Variants in SLC38A9 observed in about 807,000 individuals in gnomAD.
SLC38A9 encodes the protein neutral amino acid transporter 9.
In SLC38A9, 48 loss-of-function variants were observed where a neutral mutation model predicts 62.3. That is an observed-to-expected ratio of 0.77 (90% CI 0.61 to 0.98). The LOEUF is 0.98. Among genes scored for constraint, SLC38A9 ranks in the 50% least tolerant of loss-of-function variants. The probability of loss-of-function intolerance (pLI) is 0.00; values close to 1 mark genes in which losing one functional copy is unlikely to be tolerated. For missense variants in SLC38A9, 541 were observed against 679.8 expected (o/e 0.80, Z 2.27); for synonymous variants, 204 against 227.7 (o/e 0.90, Z 0.94).
At chr5:55,665,975 A>G (rs1217824040) in intron 7 of SLC38A9, among the ~76,000 whole-genome samples, 1 of 152,164 alleles carries the variant, frequency 6.6e-6, no homozygotes, top group Non-Finnish European at 1.5e-5. Flanking sequence ...TATATAAAAT[A>G]TTTTTAGAAG....
intron 13 of SLC38A9, 70 bp downstream of exon 13, chr5:55,635,474 G>T: frequency 8.9e-7 from 1 of 1,123,568 alleles, no homozygotes; most frequent in Non-Finnish European, 1.4e-6. Context: ...TCTTGCCACT[G>T]TATCACCCTA....
intron 3 of SLC38A9, among the ~76,000 whole-genome samples, chr5:55,688,272 T>C (rs187928336): frequency 5.8e-4 from 88 of 152,286 alleles, no homozygotes; most frequent in Admixed American, 4.8e-3. Context: ...CTGATTGCTC[T>C]GGCCAGAACT....
Position 55,626,316 on chromosome 5 carries a change from C to A in SLC38A9, c.*178G>T. 1 of 541,872 alleles carries A rather than the reference C, an allele frequency of 1.8e-6. No homozygotes were observed. 33.6% of individuals were successfully genotyped at this position (541,872 alleles called of 1,614,324 possible). ...AGACACTAAGATCATTCTTTTTGCC[C>A]CTTTCCCCACCCCAATAAAAAAATA... On this transcript the variant is annotated 3_prime_UTR_variant, in exon 16 of 16. Coordinates refer to ENST00000396865, the MANE Select transcript of SLC38A9 (RefSeq NM_173514.4).
chr5:55,657,112 C>T (rs6879735), intron 8 of SLC38A9, among the ~76,000 whole-genome samples: 5 of 152,072 alleles, frequency 3.3e-5, no homozygotes, highest in African/African-American at 4.8e-5. Context: ...CCACCCACCT[C>T]GGCCTCCCAA....
chr5:55,674,163 A>T (rs1248573070), intron 3 of SLC38A9, among the ~76,000 whole-genome samples: 1 of 152,236 alleles, frequency 6.6e-6, no homozygotes, highest in Non-Finnish European at 1.5e-5. Context: ...AGAATCTTTG[A>T]ATCTTTTACT....
In SLC38A9 at chr5:55,669,875, G is replaced by C; in HGVS notation, c.251C>G (p.Ala84Gly). The part of the protein sequence containing the change: ...LTTPADKALI[A>G]PDHVVPAPEE... ...TGGAGCTGGAACTACATGGTCTGGG[G>C]CAATCTGGTAAAAAGGAAACATAGA... Residue 84 changes from alanine (A) to glycine (G), a missense_variant, in exon 5 of 16, where the codon GCC (alanine) becomes GGC (glycine). By Grantham distance (60) the Ala-to-Gly change is moderately conservative (BLOSUM62 0). Coordinates refer to ENST00000396865, the MANE Select transcript of SLC38A9 (RefSeq NM_173514.4). The C allele has an allele frequency of 6.3e-7, 1 of 1,585,618 alleles. No individual in the cohort carries two copies. The highest frequency in any genetic ancestry group is 8.5e-7 in the Non-Finnish European group (1 of 1,171,114).
chr5:55,641,252 T>A (rs145482245), intron 12 of SLC38A9, among the ~76,000 whole-genome samples: 1 of 152,252 alleles, frequency 6.6e-6, no homozygotes, highest in Non-Finnish European at 1.5e-5. Context: ...TTCTTCTCAC[T>A]GTATAACTTA....
chr5:55,683,017 T>G (rs1421464292), intron 3 of SLC38A9, among the ~76,000 whole-genome samples: 3 of 146,460 alleles, frequency 2.0e-5, no homozygotes, highest in Admixed American at 6.8e-5. Flanking sequence ...GGCAGGGAGG[T>G]GGGGAAGAAG....
In SLC38A9 at chr5:55,680,853, T is replaced by C. The variant is rs150723541; in HGVS notation, c.114-8158A>G. Among the ~76,000 whole-genome samples, 6 of 152,348 alleles carry C rather than the reference T, an allele frequency of 3.9e-5. No homozygotes were observed. In the East Asian group the frequency reaches 1.2e-3, roughly 29 times the overall value. On this transcript the variant is annotated intron_variant, in intron 3 of 15. Coordinates refer to ENST00000396865, the MANE Select transcript of SLC38A9 (RefSeq NM_173514.4). ...TATTTTCAATCCAGATGGCAAATAT[T>C]GTAGTAGCCTGATCAGAATCTATTG...
intron 2 of SLC38A9, among the ~76,000 whole-genome samples, chr5:55,703,350 T>C (rs1756900135): frequency 6.6e-6 from 1 of 152,216 alleles, no homozygotes; most frequent in African/African-American, 2.4e-5. Context: ...AATTGCTAGC[T>C]CTAGCTGTCA....
rs1333073153 is a variant in SLC38A9, at chr5:55,666,641, C to T, written c.527-1778G>A. On this transcript the variant is annotated intron_variant, in intron 7 of 15. Transcript: ENST00000396865. ...GGCACGGTGGCTCATGCCTGTAATC[C>T]CAGCACTTCGGGAGGCTGAGGCAGG... 2.0e-5 allele frequency among the ~76,000 whole-genome samples: 3 copies of T among 152,302 alleles called. No individual in the cohort carries two copies. In the East Asian group the frequency reaches 5.8e-4, roughly 29 times the overall value.
At chr5:55,646,881 A>G (rs34550295) in intron 11 of SLC38A9, among the ~76,000 whole-genome samples, 89,939 of 151,490 alleles carry the variant, frequency 0.59, 27,326 homozygotes, top group South Asian at 0.7. Context: ...TTCCCTGGTA[A>G]CTAGGATTAT....
At chr5:55,653,471 A>G (rs1035481117) in intron 9 of SLC38A9, among the ~76,000 whole-genome samples, 2 of 152,162 alleles carry the variant, frequency 1.3e-5, no homozygotes, top group African/African-American at 4.8e-5. Flanking sequence ...TTAACAACAA[A>G]CAAAATCTAT....
intron 4 of SLC38A9, among the ~76,000 whole-genome samples, chr5:55,672,303 T>C (rs900809547): frequency 6.6e-6 from 1 of 152,178 alleles, no homozygotes; most frequent in Non-Finnish European, 1.5e-5. Flanking sequence ...CCTCAGAGAT[T>C]TGGGGAATGG....
In SLC38A9 at chr5:55,633,889, T is replaced by C; in HGVS notation, c.1295A>G (p.Asn432Ser). 1.2e-6 allele frequency: 2 copies of C among 1,602,214 alleles called. No homozygotes were observed. The highest frequency in any genetic ancestry group is 1.1e-5 in the South Asian group (1 of 89,288). Residue 432 changes from asparagine to serine, a missense_variant, in exon 14 of 16, where the codon AAC becomes AGC. Coordinates refer to ENST00000396865, the MANE Select transcript of SLC38A9 (RefSeq NM_173514.4). ...GGACAGGGTGTCACTGCTAGGGAAGTTGTCTAAAAAATTCTAATCCAAGAA... is the reference window on the plus strand; with the variant it reads ...GGACAGGGTGTCACTGCTAGGGAAGCTGTCTAAAAAATTCTAATCCAAGAA... ...KDCIEQNFLD[N>S]FPSSDTLSFI... is the part of the protein sequence containing the mutation.
At chr5:55,647,683 C>A (rs1240487399) in intron 11 of SLC38A9, among the ~76,000 whole-genome samples, 2 of 152,138 alleles carry the variant, frequency 1.3e-5, no homozygotes, top group Non-Finnish European at 2.9e-5. Context: ...GCAAGTAAGA[C>A]CACTGTTAGG....
Position 55,627,922 on chromosome 5 carries a change from A to G in SLC38A9, c.1489T>C (p.Cys497Arg), listed in dbSNP as rs756575449. 3 of 1,612,590 alleles carry G rather than the reference A, an allele frequency of 1.9e-6. No homozygotes were observed. The highest frequency in any genetic ancestry group is 1.7e-6 in the Non-Finnish European group (2 of 1,178,836). Residue 497 changes from cysteine to arginine, a missense_variant, in exon 15 of 16, where the codon TGT becomes CGT. Coordinates refer to ENST00000396865, the MANE Select transcript of SLC38A9 (RefSeq NM_173514.4). ...ATCCCTCCTATGTTTGGGTAGAAAC[A>G]GGCCATGATCACTCCAGCTCCCACA... ...IIVGAGVIMA[C>R]FYPNIGGIIR...
chr5:55,648,054 A>G (rs941881650), intron 11 of SLC38A9, among the ~76,000 whole-genome samples: 1 of 152,038 alleles, frequency 6.6e-6, no homozygotes, highest in Non-Finnish European at 1.5e-5. Context: ...AGCCTGGCCA[A>G]CATGGTGAAA....
chr5:55,635,696 C>A, intron 12 of SLC38A9, 39 bp from the exon 13 acceptor site: 3 of 1,379,772 alleles, frequency 2.2e-6, no homozygotes, highest in Non-Finnish European at 3.1e-6. Context: ...TACTGAAGAA[C>A]CTTGTAGTAA....
Sources: gnomAD v4.1 joint callset for allele counts (sites outside exome capture counted in the v4.1 genomes callset) on GRCh38, gnomAD v4.1.1 for gene constraint, MANE v1.5 for transcripts, NCBI Gene and HGNC (gene_info 2026-07-23, HGNC 2026-07-21) for gene names.